The following ME3 variants were observed in gnomAD, a reference collection of about 807,000 sequenced individuals.
The protein encoded by ME3 is NADP-dependent malic enzyme, mitochondrial.
A neutral mutation model predicts 68.9 loss-of-function variants in ME3; 48 were observed. The ratio of observed to expected loss-of-function variants is 0.70; its 90% CI spans 0.55 to 0.89. ME3 has a LOEUF of 0.89. ME3 is among the 40% of genes least tolerant of loss of function. The probability of loss-of-function intolerance (pLI) is 0.00; values close to 1 mark genes in which losing one functional copy is unlikely to be tolerated. For synonymous variants in ME3, 320 were observed against 318.8 expected (o/e 1.00, Z -0.04); for missense variants, 675 against 797.4 (o/e 0.85, Z 1.85).
At chr11:86,572,503 A>G (rs775079598) in intron 2 of ME3, among the ~76,000 whole-genome samples, 6 of 151,678 alleles carry the variant, frequency 4.0e-5, no homozygotes, top group Non-Finnish European at 8.8e-5. Flanking sequence ...CCGTTGTTCA[A>G]CTCCCACTTA....
downstream of ME3, among the ~76,000 whole-genome samples, chr11:86,437,834 CAG>C (rs1471873749): frequency 9.0e-4 from 130 of 144,754 alleles, no homozygotes; most frequent in Admixed American, 9.8e-4. Context: ...TTCCAGTAGA[CAG>C]AGAGAGAGAG....
intron 2 of ME3, among the ~76,000 whole-genome samples, chr11:86,653,207 A>T (rs1008265506): frequency 3.9e-5 from 6 of 152,158 alleles, no homozygotes; most frequent in African/African-American, 1.4e-4. Context: ...GTTAACAAGG[A>T]TACCCAGGAA....
At chr11:86,550,938 G>A (rs1474982499) in intron 4 of ME3, among the ~76,000 whole-genome samples, 1 of 152,020 alleles carries the variant, frequency 6.6e-6, no homozygotes, top group Non-Finnish European at 1.5e-5. Context: ...GCAGAGGTGT[G>A]TAATTCATGT....
intron 2 of ME3, among the ~76,000 whole-genome samples, chr11:86,603,738 A>G (rs1420325938): frequency 6.6e-6 from 1 of 152,060 alleles, no homozygotes; most frequent in African/African-American, 2.4e-5. Flanking sequence ...AATGTGGCAC[A>G]TATACACCAT....
At chr11:86,604,067 C>T (rs1177009478) in intron 2 of ME3, among the ~76,000 whole-genome samples, 1 of 149,586 alleles carries the variant, frequency 6.7e-6, no homozygotes, top group Non-Finnish European at 1.5e-5. Flanking sequence ...GCACATTGTG[C>T]ACATGTACCC....
chr11:86,657,548 A>G (rs965361846), intron 2 of ME3, among the ~76,000 whole-genome samples: 1 of 152,138 alleles, frequency 6.6e-6, no homozygotes, highest in Non-Finnish European at 1.5e-5. Flanking sequence ...GCAGGAAACC[A>G]CCATGGCACG....
intron 2 of ME3, among the ~76,000 whole-genome samples, chr11:86,585,743 G>A (rs1198747890): frequency 6.6e-6 from 1 of 152,166 alleles, no homozygotes; most frequent in Admixed American, 6.5e-5. Context: ...GGGGTTGTAT[G>A]TATTACTCTA....
chr11:86,592,758 CA>C (rs1017609266), intron 2 of ME3, among the ~76,000 whole-genome samples: 9 of 152,146 alleles, frequency 5.9e-5, no homozygotes, highest in Admixed American at 2.6e-4. Context: ...TGACTAGCAA[CA>C]ACAGAAGAAA....
intron 2 of ME3, among the ~76,000 whole-genome samples, chr11:86,583,273 C>A (rs926473724): frequency 4.6e-5 from 7 of 152,160 alleles, no homozygotes; most frequent in African/African-American, 1.7e-4. Context: ...TCACATTCCA[C>A]TGGGGGAGTT....
At chr11:86,547,538 G>A (rs1398089775) in intron 4 of ME3, among the ~76,000 whole-genome samples, 1 of 151,992 alleles carries the variant, frequency 6.6e-6, no homozygotes, top group Non-Finnish European at 1.5e-5. Flanking sequence ...GTAGATGACG[G>A]GTTGATGGGT....
intron 6 of ME3, among the ~76,000 whole-genome samples, chr11:86,492,882 C>T (rs1290139122): frequency 6.6e-6 from 1 of 152,230 alleles, no homozygotes; most frequent in Non-Finnish European, 1.5e-5. Context: ...TGCATAGCAA[C>T]AGGCATTCTG....
chr11:86,644,268 G>T (rs1594764777), intron 2 of ME3, among the ~76,000 whole-genome samples: 1 of 152,080 alleles, frequency 6.6e-6, no homozygotes, highest in African/African-American at 2.4e-5. Context: ...GACTGCACTA[G>T]CCTCTAACTG....
chr11:86,625,784 A>T (rs1167240672), intron 2 of ME3, among the ~76,000 whole-genome samples: 1 of 152,146 alleles, frequency 6.6e-6, no homozygotes, highest in Non-Finnish European at 1.5e-5. Flanking sequence ...AATAGTACAG[A>T]CCCTGAAACA....
chr11:86,601,780 G>A (rs1960709919), intron 2 of ME3, among the ~76,000 whole-genome samples: 4 of 151,932 alleles, frequency 2.6e-5, no homozygotes, highest in Admixed American at 2.6e-4. Flanking sequence ...TCATCCCTGG[G>A]ATGCAAGGCT....
In ME3 at chr11:86,447,063, A is replaced by G. The variant is rs1470706338; in HGVS notation, c.1380+2T>C. 6.2e-7 allele frequency: 1 copy of G among 1,613,346 alleles called. No homozygotes were observed. Among genetic ancestry groups the G allele is most frequent in the Non-Finnish European group, 8.5e-7 (1 of 1,179,640 alleles). ...CGGGGGAAGGAAGGACTCCCCGCTG[A>G]CCTCGGTGACCCGGTAGCACTTCTC... On this transcript the variant is annotated splice_donor_variant, in intron 12 of 14. Coordinates refer to ENST00000543262, the Ensembl canonical transcript of ME3. LOFTEE classifies it high-confidence loss of function.
intron 4 of ME3, among the ~76,000 whole-genome samples, chr11:86,536,909 G>A (rs1594349448): frequency 6.6e-6 from 1 of 151,984 alleles, no homozygotes; most frequent in African/African-American, 2.4e-5. Flanking sequence ...ATGATAGACT[G>A]GATTAAGAAA....
intron 2 of ME3, 65 bp downstream of exon 2, chr11:86,671,697 C>G (rs1487908896): frequency 1.9e-6 from 3 of 1,573,102 alleles, no homozygotes; most frequent in South Asian, 1.1e-5. Flanking sequence ...GTCCAGGGGG[C>G]GGGGCGCAAT....
chr11:86,659,548 A>G (rs954513646), intron 2 of ME3, among the ~76,000 whole-genome samples: 4 of 152,190 alleles, frequency 2.6e-5, no homozygotes, highest in African/African-American at 9.7e-5. Context: ...TGGGGGGATG[A>G]TCATCTTGTG....
intron 2 of ME3, among the ~76,000 whole-genome samples, chr11:86,604,419 T>C (rs1421620889): frequency 2.0e-5 from 3 of 152,114 alleles, no homozygotes; most frequent in African/African-American, 7.2e-5. Context: ...ATTTTTGGTT[T>C]ACACTACATA....
Sources: allele counts gnomAD v4.1 joint callset (sites outside exome capture counted in the v4.1 genomes callset), GRCh38; gene constraint gnomAD v4.1.1; transcripts MANE v1.5; gene names NCBI Gene and HGNC (gene_info 2026-07-23, HGNC 2026-07-21).